Variants in SND1 observed in about 807,000 individuals in gnomAD.
SND1 encodes the protein staphylococcal nuclease domain-containing protein 1.
SND1 carries 38 observed loss-of-function variants against 121.7 expected under a neutral mutation model. That is an observed-to-expected ratio of 0.31 (90% CI 0.24 to 0.41). The LOEUF (loss-of-function observed/expected upper bound fraction) is 0.41. SND1 is among the 10% of genes least tolerant of loss of function. SND1 has a pLI of 1.00. For missense variants in SND1, 868 were observed against 1,184.6 expected (o/e 0.73, Z 3.92); for synonymous variants, 401 against 447.4 (o/e 0.90, Z 1.31).
intron 13 of SND1, among the ~76,000 whole-genome samples, chr7:127,897,409 C>T (rs1220626958): frequency 6.6e-6 from 1 of 152,026 alleles, no homozygotes; most frequent in Non-Finnish European, 1.5e-5. Flanking sequence ...AGTATTTTAT[C>T]AGGTATTTTG....
At chr7:127,997,771 T>C (rs1471713442) in intron 16 of SND1, 1 of 534,820 alleles carries the variant, frequency 1.9e-6, no homozygotes. Flanking sequence ...TCACCATATA[T>C]ACCATTACAT....
chr7:127,759,050 T>TC (rs2116472165), intron 10 of SND1, among the ~76,000 whole-genome samples: 2 of 74,922 alleles, frequency 2.7e-5, no homozygotes, highest in Non-Finnish European at 5.8e-5. Flanking sequence ...CAAGATGCTG[T>TC]CTCAAAAATA....
At chr7:127,826,948 T>C (rs1474683401) in intron 11 of SND1, among the ~76,000 whole-genome samples, 1 of 152,184 alleles carries the variant, frequency 6.6e-6, no homozygotes, top group East Asian at 1.9e-4. Context: ...CTAAAATGAC[T>C]CCAACTTGGA....
intron 12 of SND1, among the ~76,000 whole-genome samples, chr7:127,884,442 A>G (rs956538231): frequency 1.3e-5 from 2 of 152,156 alleles, no homozygotes; most frequent in African/African-American, 4.8e-5. Context: ...ACTTCAGCCA[A>G]GGCTATGCTT....
At chr7:127,691,912 G>C (rs1175801875) in intron 2 of SND1, among the ~76,000 whole-genome samples, 1 of 151,530 alleles carries the variant, frequency 6.6e-6, no homozygotes, top group African/African-American at 2.4e-5. Context: ...GATTACAGCC[G>C]TGAGCCTCCC....
chr7:128,033,569 C>T (rs1563096850), intron 16 of SND1, among the ~76,000 whole-genome samples: 1 of 152,214 alleles, frequency 6.6e-6, no homozygotes, highest in Admixed American at 6.5e-5. Context: ...GTAACCTGAA[C>T]CTCTTTAAAT....
At chr7:128,033,385 A>G (rs1792687715) in intron 16 of SND1, among the ~76,000 whole-genome samples, 1 of 152,006 alleles carries the variant, frequency 6.6e-6, no homozygotes, top group East Asian at 1.9e-4. Flanking sequence ...CCTTCCCTTC[A>G]AGAGCTGCCT....
At chr7:127,942,752 C>T (rs1186206865) in intron 15 of SND1, among the ~76,000 whole-genome samples, 1 of 152,158 alleles carries the variant, frequency 6.6e-6, no homozygotes, top group Non-Finnish European at 1.5e-5. Context: ...TTGATAGAAA[C>T]TATTTTTATT....
At chr7:127,857,182 A>ATTT (rs1799291338) in intron 12 of SND1, among the ~76,000 whole-genome samples, 1 of 88,230 alleles carries the variant, frequency 1.1e-5, no homozygotes. Context: ...AAATGTCAAC[A>ATTT]CTTTTTTTTT....
chr7:128,064,926 A>G (rs1173423352), intron 16 of SND1, among the ~76,000 whole-genome samples: 2 of 152,238 alleles, frequency 1.3e-5, no homozygotes, highest in Admixed American at 6.5e-5. Flanking sequence ...TTAAATGGCA[A>G]TTAACAGGTC....
At position 127,929,319 on chromosome 7, in the gene SND1, C is replaced by A. The variant is rs764850038; in HGVS notation, c.1659C>A (p.Phe553Leu). The change falls in exon 15 of 24, where the codon TTC (phenylalanine) becomes TTA (leucine). Residue 553 changes from phenylalanine (F) to leucine (L), a missense_variant. By Grantham distance (22) the Phe-to-Leu change is conservative. Coordinates refer to ENST00000354725, the MANE Select transcript of SND1 (RefSeq NM_014390.4). ...CAAAGGAAACTTGCCTTATCACCTT[C>A]TTGCTTGCAGGTAAGTCTTATGTGT... ...YLPKETCLIT[F>L]LLAGIECPRG... The A allele has an allele frequency of 1.9e-6, 3 of 1,614,070 alleles. No individual in the cohort carries two copies. The Admixed American group carries it at 5.0e-5, about 27-fold the overall frequency.
chr7:128,011,024 GAAAT>G (rs1030910212), intron 16 of SND1, among the ~76,000 whole-genome samples: 6 of 152,082 alleles, frequency 3.9e-5, no homozygotes, highest in African/African-American at 1.2e-4. Flanking sequence ...TTTTTTTAAT[GAAAT>G]AAATAAGTAA....
At chr7:128,032,979 A>G (rs1168480305) in intron 16 of SND1, among the ~76,000 whole-genome samples, 1 of 152,168 alleles carries the variant, frequency 6.6e-6, no homozygotes, top group African/African-American at 2.4e-5. Context: ...AGCCCACGAC[A>G]CAGCCCGTTC....
intron 10 of SND1, among the ~76,000 whole-genome samples, chr7:127,777,609 A>G (rs2116511683): frequency 6.6e-6 from 1 of 152,358 alleles, no homozygotes; most frequent in South Asian, 2.1e-4. Flanking sequence ...TTGATTTCCA[A>G]AACACACAAC....
At chr7:128,079,105 T>C (rs1793556281) in intron 17 of SND1, among the ~76,000 whole-genome samples, 1 of 152,204 alleles carries the variant, frequency 6.6e-6, no homozygotes, top group African/African-American at 2.4e-5. Context: ...GCTGCAAGCG[T>C]CCCAGAAGGG....
Position 128,081,879 on chromosome 7 carries a change from C to G in SND1, c.2110+378C>G, listed in dbSNP as rs1404112553. On this transcript the variant is annotated intron_variant, in intron 18 of 23. Coordinates refer to ENST00000354725, the MANE Select transcript of SND1 (RefSeq NM_014390.4). ...TTTGTAGCCCCCAGAATCTGTCAGG[C>G]ACCAGCCAGGCATTGCTCAGCCCGT... is the stretch of plus-strand genomic sequence containing the variant. 5.6e-6 allele frequency: 3 copies of G among 539,818 alleles called. No homozygotes were observed. In the African/African-American group the frequency reaches 5.7e-5, roughly 10 times the overall value. 33.4% of individuals were successfully genotyped at this position (539,818 alleles called of 1,614,324 possible). A position where few individuals can be genotyped will look rare whatever the true frequency, so the allele number is the denominator to read the frequency against.
rs564076696 is a variant in SND1 at position 128,092,329 on chromosome 7, A to G, written c.*271A>G. 3.6e-6 allele frequency: 1 copy of G among 275,764 alleles called. No homozygotes were observed. The highest frequency in any genetic ancestry group is 2.3e-5 in the African/African-American group (1 of 43,142). The allele number at this position is 275,764 out of a possible 1,614,324, so 17.1% of individuals were successfully genotyped here. Reference sequence around the variant, plus strand: ...ATTTGGAGGTTTGTGGGCTTTTTTTAAAAAAAAAAAGTCCTCAAATCAGGA... The same window carrying G: ...ATTTGGAGGTTTGTGGGCTTTTTTTGAAAAAAAAAAGTCCTCAAATCAGGA... On this transcript the variant is annotated 3_prime_UTR_variant, in exon 24 of 24. Transcript: ENST00000354725. The surrounding 1 kb of genome is among the most constrained non-coding windows in gnomAD (Gnocchi z 4.9).
intron 10 of SND1, among the ~76,000 whole-genome samples, chr7:127,774,551 T>A (rs1797579096): frequency 6.6e-6 from 1 of 152,068 alleles, no homozygotes. Context: ...TCACGGTAAG[T>A]GCACCATACA....
chr7:127,673,434 C>G (rs1272302015), intron 1 of SND1, among the ~76,000 whole-genome samples: 2 of 152,104 alleles, frequency 1.3e-5, no homozygotes, highest in Non-Finnish European at 2.9e-5. Flanking sequence ...GCCTTAGCCT[C>G]TCGAGTAGCT....
Sources: gnomAD v4.1 joint callset for allele counts (sites outside exome capture counted in the v4.1 genomes callset) on GRCh38, gnomAD v4.1.1 for gene constraint, Gnocchi (gnomAD v3.1) non-coding constraint, MANE v1.5 for transcripts, NCBI Gene and HGNC (gene_info 2026-07-23, HGNC 2026-07-21) for gene names.